The following RANBP2 variants were observed in gnomAD, a reference collection of about 807,000 sequenced individuals.
The protein encoded by RANBP2 is RAN binding protein 2, also known as E3 SUMO-protein ligase RanBP2.
RANBP2 carries 57 observed loss-of-function variants against 303.6 expected under a neutral mutation model. The observed-to-expected ratio is 0.19, with a 90% CI of 0.15 to 0.23. RANBP2 has a LOEUF of 0.23. Ranked by LOEUF, RANBP2 falls within the 10% of genes least tolerant of loss-of-function variation. RANBP2 has a pLI of 1.00. For missense variants in RANBP2, 3,138 were observed against 3,780.8 expected, an observed-to-expected ratio of 0.83 and a Z score of 4.46; for synonymous variants, 1,167 against 1,301.5, an observed-to-expected ratio of 0.90 and a Z score of 2.23.
chr2:109,627,228 G>C, the RANBP2 span, among the ~76,000 whole-genome samples: 2 of 152,110 alleles, frequency 1.3e-5, no homozygotes, highest in South Asian at 4.2e-4. Context: ...ATGGGGTCTC[G>C]CTCTGTCACC....
At chr2:108,921,090 C>T in the RANBP2 span, among the ~76,000 whole-genome samples, 1 of 152,212 alleles carries the variant, frequency 6.6e-6, no homozygotes, top group Non-Finnish European at 1.5e-5. Context: ...GGGTGCTCCC[C>T]TGCGAATCAC....
At chr2:109,365,083 C>T in the RANBP2 span, among the ~76,000 whole-genome samples, 1 of 150,204 alleles carries the variant, frequency 6.7e-6, no homozygotes, top group African/African-American at 2.4e-5. Flanking sequence ...AACAAAACAT[C>T]CCAATGGGTG....
the RANBP2 span, among the ~76,000 whole-genome samples, chr2:109,039,629 G>T: frequency 6.6e-6 from 1 of 152,164 alleles, no homozygotes; most frequent in African/African-American, 2.4e-5. Context: ...GATTACAGGC[G>T]TGAGCCACTG....
chr2:109,358,139 C>T, the RANBP2 span, among the ~76,000 whole-genome samples: 2 of 152,242 alleles, frequency 1.3e-5, no homozygotes, highest in Non-Finnish European at 2.9e-5. Context: ...CGGTTGAAAT[C>T]ATACAATATG....
At chr2:109,467,229 T>TCCA in the RANBP2 span, among the ~76,000 whole-genome samples, 1 of 152,222 alleles carries the variant, frequency 6.6e-6, no homozygotes, top group Non-Finnish European at 1.5e-5. Flanking sequence ...AGACTGGAAA[T>TCCA]GGCCCAGATG....
chr2:108,942,699 C>T, the RANBP2 span, among the ~76,000 whole-genome samples: 1 of 152,272 alleles, frequency 6.6e-6, no homozygotes, highest in African/African-American at 2.4e-5. Context: ...GTTCCTGTTC[C>T]CGCCTCTCCT....
the RANBP2 span, among the ~76,000 whole-genome samples, chr2:109,764,058 G>A: frequency 6.9e-6 from 1 of 145,444 alleles, no homozygotes; most frequent in Non-Finnish European, 1.5e-5. Flanking sequence ...CTTCAGGATG[G>A]GTTTTTTGAG....
chr2:109,697,869 T>TC, the RANBP2 span, among the ~76,000 whole-genome samples: 2 of 150,216 alleles, frequency 1.3e-5, no homozygotes, highest in African/African-American at 4.9e-5. Flanking sequence ...TTTTTTTTTT[T>TC]TTTTTTTTGA....
the RANBP2 span, chr2:108,910,359 C>T: frequency 2.1e-6 from 2 of 960,156 alleles, no homozygotes; most frequent in Admixed American, 3.9e-5. Context: ...CATAGTGTCC[C>T]AGGCTAGCCT....
chr2:109,490,608 G>A, the RANBP2 span: 1 of 1,439,306 alleles, frequency 6.9e-7, no homozygotes, highest in Non-Finnish European at 9.1e-7. Context: ...TCCCCAGAAA[G>A]AGAAGAAGAG....
At chr2:108,856,667 A>G in the RANBP2 span, 14 of 800,754 alleles carry the variant, frequency 1.7e-5, no homozygotes, top group Non-Finnish European at 2.8e-5. Context: ...TTAGACTGTG[A>G]TCTCTTATTT....
rs781080673 is a variant in RANBP2, at chr2:108,740,578, T to C, written c.872T>C (p.Met291Thr). The change falls in exon 7 of 29, where the codon ATG becomes ACG. Residue 291 changes from methionine (M) to threonine (T), a missense_variant. Around this residue, in one of 20 missense-constraint regions of RANBP2, gnomAD observed 306 missense variants for 381.9 expected, o/e 0.80. Coordinates refer to ENST00000283195, the MANE Select transcript of RANBP2 (RefSeq NM_006267.5). ...TTAGAAATGAAAGGACATTTCTACATGCATGCTGGTTCTCTGCTTTTGAAG... is the reference window on the plus strand; with the variant it reads ...TTAGAAATGAAAGGACATTTCTACACGCATGCTGGTTCTCTGCTTTTGAAG... ...TFLEMKGHFY[M>T]HAGSLLLKMG... 2 of 1,597,560 alleles carry C rather than the reference T, an allele frequency of 1.3e-6. No individual in the cohort carries two copies. Among genetic ancestry groups the C allele is most frequent in the African/African-American group, 1.3e-5 (1 of 74,976 alleles).
At chr2:109,330,683 A>T in the RANBP2 span, among the ~76,000 whole-genome samples, 1 of 152,160 alleles carries the variant, frequency 6.6e-6, no homozygotes, top group African/African-American at 2.4e-5. Flanking sequence ...GGATGGATGG[A>T]TGAATGATGG....
the RANBP2 span, among the ~76,000 whole-genome samples, chr2:109,078,149 TAGC>T: frequency 7.8e-6 from 1 of 127,848 alleles, no homozygotes; most frequent in South Asian, 2.4e-4. Context: ...TGTATATATA[TAGC>T]ATGTATATAT....
At chr2:109,187,832 A>T in the RANBP2 span, among the ~76,000 whole-genome samples, 1 of 152,130 alleles carries the variant, frequency 6.6e-6, no homozygotes, top group Non-Finnish European at 1.5e-5. Flanking sequence ...TGTGACCAGG[A>T]CCCCATTCTC....
At chr2:109,032,014 C>T in the RANBP2 span, among the ~76,000 whole-genome samples, 6 of 150,724 alleles carry the variant, frequency 4.0e-5, no homozygotes, top group Non-Finnish European at 8.8e-5. Context: ...GCTGTAAGTT[C>T]TTGGTGTTCA....
the RANBP2 span, among the ~76,000 whole-genome samples, chr2:109,579,230 A>G: frequency 6.6e-6 from 1 of 152,214 alleles, no homozygotes; most frequent in African/African-American, 2.4e-5. Context: ...GTCTCTCAAC[A>G]AAGTAAAACC....
At chr2:109,134,942 T>A in the RANBP2 span, among the ~76,000 whole-genome samples, 1 of 152,216 alleles carries the variant, frequency 6.6e-6, no homozygotes, top group South Asian at 2.1e-4. Context: ...GTAAGTGACA[T>A]GAACAGGACA....
chr2:109,321,093 G>A, the RANBP2 span, among the ~76,000 whole-genome samples: 19 of 152,326 alleles, frequency 1.2e-4, no homozygotes, highest in South Asian at 2.1e-3. Flanking sequence ...ATAATGATTA[G>A]TGATAAGTAG....
Sources: allele counts gnomAD v4.1 joint callset (sites outside exome capture counted in the v4.1 genomes callset), GRCh38; gene constraint gnomAD v4.1.1; regional missense constraint gnomAD v4.1.1; transcripts MANE v1.5; gene names NCBI Gene and HGNC (gene_info 2026-07-23, HGNC 2026-07-21).